Variants in TBC1D22A observed in about 807,000 individuals in gnomAD.
TBC1D22A encodes the protein putative GTPase activator.
A neutral mutation model predicts 60.2 loss-of-function variants in TBC1D22A; 38 were observed. The ratio of observed to expected loss-of-function variants is 0.63; its 90% confidence interval spans 0.49 to 0.83. The LOEUF (loss-of-function observed/expected upper bound fraction) is 0.83, where lower values mean the gene tolerates loss of function less well. Ranked by LOEUF, TBC1D22A falls within the 40% of genes least tolerant of loss-of-function variation. The probability of loss-of-function intolerance (pLI) is 0.00; values close to 1 mark genes in which losing one functional copy is unlikely to be tolerated. For missense variants in TBC1D22A, 628 were observed against 701.0 expected (o/e 0.90, Z 1.18); for synonymous variants, 302 against 281.7 (o/e 1.07, Z -0.72).
intron 12 of TBC1D22A, among the ~76,000 whole-genome samples, chr22:47,120,436 A>G (rs2066231101): frequency 6.6e-6 from 1 of 152,208 alleles, no homozygotes. Flanking sequence ...ACACGCACAC[A>G]CAACATGGAT....
At chr22:46,945,080 AGTTTGGTCATGACCT>A (rs2072447521) in intron 8 of TBC1D22A, among the ~76,000 whole-genome samples, 1 of 152,214 alleles carries the variant, frequency 6.6e-6, no homozygotes, top group Non-Finnish European at 1.5e-5. Flanking sequence ...CCAAATCTGT[AGTTTGGTCATGACCT>A]TAGTTCTTAA....
intron 1 of TBC1D22A, among the ~76,000 whole-genome samples, chr22:46,785,885 A>AT (rs1272762604): frequency 6.6e-6 from 1 of 152,186 alleles, no homozygotes; most frequent in Non-Finnish European, 1.5e-5. Context: ...GGCTCAAGTG[A>AT]TTCTCCTGCT....
intron 1 of TBC1D22A, among the ~76,000 whole-genome samples, chr22:46,766,274 G>A (rs937559451): frequency 4.6e-5 from 7 of 152,144 alleles, no homozygotes; most frequent in Non-Finnish European, 7.3e-5. Flanking sequence ...TGGGATTACA[G>A]GCTTGAGCCA....
chr22:47,055,489 G>T (rs569347857), intron 11 of TBC1D22A, among the ~76,000 whole-genome samples: 1 of 152,324 alleles, frequency 6.6e-6, no homozygotes, highest in South Asian at 2.1e-4. Context: ...TGAGAATTTT[G>T]ATTAGGGGTA....
chr22:46,805,925 C>T (rs1391040897), intron 4 of TBC1D22A, among the ~76,000 whole-genome samples: 4 of 151,814 alleles, frequency 2.6e-5, no homozygotes, highest in Non-Finnish European at 5.9e-5. Context: ...TCATCTCGGC[C>T]CACTGCAGCC....
chr22:47,065,947 T>C (rs16996304), intron 11 of TBC1D22A, among the ~76,000 whole-genome samples: 71,712 of 152,012 alleles, frequency 0.47, 17,623 homozygotes, highest in East Asian at 0.59. Flanking sequence ...GACCCATGCC[T>C]AGCAGACAAC....
intron 4 of TBC1D22A, among the ~76,000 whole-genome samples, chr22:46,852,803 G>C (rs951505626): frequency 6.6e-6 from 1 of 152,166 alleles, no homozygotes; most frequent in Non-Finnish European, 1.5e-5. Flanking sequence ...TGCATCGCGA[G>C]CTCCTCTAGG....
chr22:46,965,302 G>A (rs112862374), intron 8 of TBC1D22A, among the ~76,000 whole-genome samples: 3 of 152,324 alleles, frequency 2.0e-5, no homozygotes, highest in African/African-American at 7.2e-5. Context: ...TGTGGGGGCG[G>A]GGTGCCCCGC....
At chr22:46,769,575 A>C (rs997892565) in intron 1 of TBC1D22A, among the ~76,000 whole-genome samples, 3 of 151,938 alleles carry the variant, frequency 2.0e-5, no homozygotes, top group Non-Finnish European at 4.4e-5. Flanking sequence ...GTACAGCAGG[A>C]ACCGATCTGG....
intron 4 of TBC1D22A, among the ~76,000 whole-genome samples, chr22:46,809,710 G>A (rs1264771845): frequency 1.3e-5 from 2 of 152,228 alleles, no homozygotes; most frequent in South Asian, 2.1e-4. Flanking sequence ...GTAGAATGGG[G>A]TAATGTCAGA....
At chr22:47,000,740 G>A (rs933226620) in intron 10 of TBC1D22A, among the ~76,000 whole-genome samples, 1 of 151,932 alleles carries the variant, frequency 6.6e-6, no homozygotes, top group Non-Finnish European at 1.5e-5. Flanking sequence ...TAGGAGGAAC[G>A]TGCGTTTTCA....
intron 1 of TBC1D22A, among the ~76,000 whole-genome samples, chr22:46,775,002 A>G (rs2083642987): frequency 6.6e-6 from 1 of 152,242 alleles, no homozygotes; most frequent in Non-Finnish European, 1.5e-5. Context: ...TTACTAAACT[A>G]AAAAATAAAA....
chr22:47,110,789 G>A (rs539631920), intron 11 of TBC1D22A, among the ~76,000 whole-genome samples: 18 of 152,214 alleles, frequency 1.2e-4, no homozygotes, highest in Admixed American at 7.8e-4. Context: ...TTGGCCGTGC[G>A]TGCTTGAACT....
Position 46,904,123 on chromosome 22 carries a change from CTATCTATCTAT to C in TBC1D22A, c.901-7950_901-7940del, listed in dbSNP as rs1370339255. Among the ~76,000 whole-genome samples, 9 of 91,682 alleles carry C rather than the reference CTATCTATCTAT, an allele frequency of 9.8e-5. No individual in the cohort carries two copies. In the East Asian group the frequency reaches 2.2e-3, roughly 23 times the overall value. The allele number at this position is 91,682 out of a possible 152,430, so 60.1% of individuals were successfully genotyped here. A position where few individuals can be genotyped will look rare whatever the true frequency, so the allele number is the denominator to read the frequency against. ...TCTATCTATCTATCTATCTATCTAT[CTATCTATCTAT>C]CTATCTATCTACCTACCTACCTACC... On this transcript the variant is annotated intron_variant, in intron 7 of 12. Transcript: ENST00000337137.
At chr22:46,808,742 C>T (rs2085256686) in intron 4 of TBC1D22A, among the ~76,000 whole-genome samples, 1 of 152,164 alleles carries the variant, frequency 6.6e-6, no homozygotes, top group African/African-American at 2.4e-5. Context: ...CTACAGGCAC[C>T]TGCCACCATG....
chr22:46,939,850 CAA>C (rs1267029412), intron 8 of TBC1D22A, among the ~76,000 whole-genome samples: 1 of 152,206 alleles, frequency 6.6e-6, no homozygotes, highest in African/African-American at 2.4e-5. Flanking sequence ...AAAGCAGTGA[CAA>C]GAGGGGACCT....
At chr22:47,171,612 G>C (rs899120032) in intron 12 of TBC1D22A, among the ~76,000 whole-genome samples, 1 of 152,204 alleles carries the variant, frequency 6.6e-6, no homozygotes, top group Non-Finnish European at 1.5e-5. Context: ...TGGCCACTCA[G>C]CCCTCTCTGA....
intron 5 of TBC1D22A, among the ~76,000 whole-genome samples, chr22:46,880,895 G>A (rs545349433): frequency 4.6e-5 from 7 of 152,304 alleles, no homozygotes; most frequent in Admixed American, 4.6e-4. Flanking sequence ...AGATCAGGGA[G>A]CAAAGCTTGT....
At chr22:46,893,575 C>T (rs1366650038) in intron 6 of TBC1D22A, among the ~76,000 whole-genome samples, 2 of 152,236 alleles carry the variant, frequency 1.3e-5, no homozygotes, top group Non-Finnish European at 2.9e-5. Context: ...CCTGCAGGAG[C>T]TTATGCTGCT....
Sources: allele counts gnomAD v4.1 joint callset (sites outside exome capture counted in the v4.1 genomes callset), GRCh38; gene constraint gnomAD v4.1.1; transcripts MANE v1.5; gene names NCBI Gene and HGNC (gene_info 2026-07-23, HGNC 2026-07-21).